Variants in MICU3 observed in about 807,000 individuals in gnomAD.
The protein encoded by MICU3 is mitochondrial calcium uptake 3.
A neutral mutation model predicts 66.5 loss-of-function variants in MICU3; 62 were observed. The observed-to-expected ratio is 0.93, with a 90% CI of 0.76 to 1.15. The LOEUF (loss-of-function observed/expected upper bound fraction) is 1.15. MICU3 is among the 50% of genes most tolerant of loss of function. The pLI is 0.00. For synonymous variants in MICU3, 308 were observed against 240.7 expected (o/e 1.28, Z -2.59); for missense variants, 779 against 664.4 (o/e 1.17, Z -1.90).
intron 13 of MICU3, among the ~76,000 whole-genome samples, chr8:17,117,004 G>T (rs988180092): frequency 1.3e-5 from 2 of 151,960 alleles, no homozygotes; most frequent in Non-Finnish European, 2.9e-5. Flanking sequence ...TAGAGACAGG[G>T]TCTCACTCTG....
chr8:17,070,426 A>T (rs1344028805), intron 3 of MICU3, among the ~76,000 whole-genome samples: 1 of 152,074 alleles, frequency 6.6e-6, no homozygotes, highest in East Asian at 1.9e-4. Context: ...AGAAAGTGAA[A>T]TCATATTATT....
chr8:17,034,083 A>C (rs1437800543), intron 1 of MICU3, among the ~76,000 whole-genome samples: 5 of 152,188 alleles, frequency 3.3e-5, no homozygotes, highest in African/African-American at 1.2e-4. Flanking sequence ...GGGCTAATGC[A>C]GCTGGTGACT....
chr8:17,092,209 C>T (rs7839562), intron 8 of MICU3, among the ~76,000 whole-genome samples: 70,798 of 151,840 alleles, frequency 0.47, 16,701 homozygotes, highest in East Asian at 0.56. Flanking sequence ...TATGTCATCA[C>T]TGTATGAACC....
chr8:17,117,691 C>G (rs891682589), intron 13 of MICU3, among the ~76,000 whole-genome samples: 1 of 151,326 alleles, frequency 6.6e-6, no homozygotes, highest in Non-Finnish European at 1.5e-5. Flanking sequence ...CCACTGCAAC[C>G]TCCGCCTCCC....
downstream of MICU3, among the ~76,000 whole-genome samples, chr8:17,124,918 A>C (rs1803365803): frequency 6.6e-6 from 1 of 151,902 alleles, no homozygotes; most frequent in African/African-American, 2.4e-5. Context: ...CTTTGCCCCT[A>C]CTATTCCAAA....
chr8:17,077,483 C>G (rs531629714), intron 3 of MICU3, among the ~76,000 whole-genome samples: 1 of 152,252 alleles, frequency 6.6e-6, no homozygotes, highest in South Asian at 2.1e-4. Flanking sequence ...AGGACTTAAA[C>G]TCACTGTTTT....
chr8:17,058,656 C>G (rs1817357592), intron 1 of MICU3, among the ~76,000 whole-genome samples: 1 of 152,132 alleles, frequency 6.6e-6, no homozygotes, highest in South Asian at 2.1e-4. Flanking sequence ...CCTTTTGACA[C>G]TTTGATGGTC....
At chr8:17,074,191 A>G (rs367938527) in intron 3 of MICU3, among the ~76,000 whole-genome samples, 3 of 151,896 alleles carry the variant, frequency 2.0e-5, no homozygotes, top group East Asian at 3.9e-4. Flanking sequence ...CAGCCTGTAT[A>G]GTGGAATTTT....
At chr8:17,034,862 C>T (rs1199404132) in intron 1 of MICU3, among the ~76,000 whole-genome samples, 1 of 152,176 alleles carries the variant, frequency 6.6e-6, no homozygotes, top group Non-Finnish European at 1.5e-5. Context: ...GAAATGACAA[C>T]AAAGATTTGG....
At chr8:17,102,186 T>C (rs1480797684) in intron 9 of MICU3, among the ~76,000 whole-genome samples, 1 of 151,768 alleles carries the variant, frequency 6.6e-6, no homozygotes, top group East Asian at 1.9e-4. Context: ...TCTACTCTTG[T>C]CTCCTTTCCT....
At chr8:17,044,785 A>G (rs1814780402) in intron 1 of MICU3, among the ~76,000 whole-genome samples, 2 of 152,340 alleles carry the variant, frequency 1.3e-5, no homozygotes, top group Non-Finnish European at 2.9e-5. Context: ...ATAGGCTGAA[A>G]TAAGTGAAAG....
intron 13 of MICU3, among the ~76,000 whole-genome samples, chr8:17,117,612 T>TTTC (rs1408481094): frequency 6.7e-6 from 1 of 150,112 alleles, no homozygotes; most frequent in African/African-American, 2.4e-5. Context: ...TTATCCTTTT[T>TTTC]TTTTTTTTTT....
At chr8:17,048,989 T>G (rs544889244) in intron 1 of MICU3, among the ~76,000 whole-genome samples, 42 of 152,252 alleles carry the variant, frequency 2.8e-4, no homozygotes, top group African/African-American at 1.0e-3. Context: ...TATGGATCCA[T>G]GCAAATAAAC....
chr8:17,110,296 A>G (rs1802079531), intron 11 of MICU3, among the ~76,000 whole-genome samples: 1 of 152,122 alleles, frequency 6.6e-6, no homozygotes, highest in Non-Finnish European at 1.5e-5. Flanking sequence ...AACCGTTTTA[A>G]ACTGAATAAT....
intron 1 of MICU3, among the ~76,000 whole-genome samples, chr8:17,042,793 A>G (rs1044043085): frequency 5.3e-5 from 8 of 152,130 alleles, no homozygotes; most frequent in African/African-American, 1.9e-4. Flanking sequence ...TTTCGAAACA[A>G]TCCTTTTTTC....
chr8:17,077,735 A>G (rs1203659204), intron 3 of MICU3, 48 bp from the exon 4 acceptor site: 3 of 1,289,304 alleles, frequency 2.3e-6, no homozygotes, highest in Non-Finnish European at 3.3e-6. Context: ...GATCTATTTT[A>G]TTAGTAAGTT....
At chr8:17,099,626 C>CT (rs1438492192) in intron 9 of MICU3, among the ~76,000 whole-genome samples, 1 of 151,662 alleles carries the variant, frequency 6.6e-6, no homozygotes, top group Non-Finnish European at 1.5e-5. Flanking sequence ...TTAAAATTAC[C>CT]TTTTCAATAT....
At chr8:17,128,075 T>C in the MICU3 span, among the ~76,000 whole-genome samples, 8 of 152,054 alleles carry the variant, frequency 5.3e-5, no homozygotes, top group African/African-American at 1.9e-4. Flanking sequence ...GCGGGCTTTA[T>C]GGAGAGGAGA....
intron 10 of MICU3, among the ~76,000 whole-genome samples, 195 bp downstream of exon 10, chr8:17,104,686 C>A (rs1450440134): frequency 6.6e-6 from 1 of 151,910 alleles, no homozygotes; most frequent in Non-Finnish European, 1.5e-5. Flanking sequence ...CAGGAAGTTA[C>A]TGAATTTTTT....
Sources: gnomAD v4.1 joint callset for allele counts (sites outside exome capture counted in the v4.1 genomes callset) on GRCh38, gnomAD v4.1.1 for gene constraint, MANE v1.5 for transcripts, NCBI Gene and HGNC (gene_info 2026-07-23, HGNC 2026-07-21) for gene names.